TSHZ2: variants seen among roughly 807,000 people sequenced by gnomAD.
The protein encoded by TSHZ2 is teashirt zinc finger homeobox 2.
In TSHZ2, 21 loss-of-function variants were observed where a neutral mutation model predicts 74.4. The ratio of observed to expected loss-of-function variants is 0.28; its 90% CI spans 0.20 to 0.41. The LOEUF (loss-of-function observed/expected upper bound fraction) is 0.41. TSHZ2 is among the 10% of genes least tolerant of loss of function. The pLI is 1.00. For missense variants in TSHZ2, 1,244 were observed against 1,293.5 expected, an observed-to-expected ratio of 0.96 and a Z score of 0.59; for synonymous variants, 540 against 515.3, an observed-to-expected ratio of 1.05 and a Z score of -0.65.
At chr20:53,114,914 G>A (rs1312205427) in intron 1 of TSHZ2, among the ~76,000 whole-genome samples, 1 of 152,184 alleles carries the variant, frequency 6.6e-6, no homozygotes, top group Non-Finnish European at 1.5e-5. Flanking sequence ...CACCAATTCT[G>A]AGGGTGGACC....
intron 1 of TSHZ2, among the ~76,000 whole-genome samples, chr20:53,203,859 A>G (rs945316432): frequency 3.3e-5 from 5 of 151,922 alleles, no homozygotes; most frequent in African/African-American, 1.2e-4. Flanking sequence ...AGCTCTCTAG[A>G]CCTGCAATGT....
In TSHZ2 at chr20:53,038,966, G is replaced by A. The variant is rs375199977; in HGVS notation, c.40+65633G>A. On this transcript the variant is annotated intron_variant, in intron 1 of 2. Transcript: ENST00000371497. Reference sequence around the variant, plus strand: ...GGCTGGAGTGCAATGGTGCGATCTCGGCTCACAGCAACCTCTGCCTCCCGG... The same window carrying A: ...GGCTGGAGTGCAATGGTGCGATCTCAGCTCACAGCAACCTCTGCCTCCCGG... Among the ~76,000 whole-genome samples the A allele has an allele frequency of 2.0e-4, 31 of 151,382 alleles. No homozygotes were observed. In the East Asian group the frequency reaches 5.5e-3, roughly 27 times the overall value.
intron 2 of TSHZ2, among the ~76,000 whole-genome samples, chr20:53,397,021 C>T (rs901022729): frequency 4.6e-5 from 7 of 152,148 alleles, no homozygotes; most frequent in Non-Finnish European, 1.0e-4. Context: ...CCATAAAAAC[C>T]CTAGAAGAAA....
intron 1 of TSHZ2, among the ~76,000 whole-genome samples, chr20:52,981,650 A>G (rs1489948285): frequency 6.6e-6 from 1 of 152,228 alleles, no homozygotes; most frequent in Non-Finnish European, 1.5e-5. Flanking sequence ...TGGAAACACA[A>G]TGGCTAAGCA....
At chr20:53,394,927 T>G (rs1398997598) in intron 2 of TSHZ2, among the ~76,000 whole-genome samples, 1 of 150,346 alleles carries the variant, frequency 6.7e-6, no homozygotes, top group Non-Finnish European at 1.5e-5. Flanking sequence ...ACTGGCTCTG[T>G]TCCTCTTTGC....
At chr20:53,400,992 A>G (rs988031719) in intron 2 of TSHZ2, 5 of 152,250 alleles carry the variant, frequency 3.3e-5, no homozygotes, top group East Asian at 1.9e-4. Context: ...CATGCATTCA[A>G]TCATGTAGAA....
At chr20:53,300,848 T>C (rs2145480600) in intron 2 of TSHZ2, among the ~76,000 whole-genome samples, 1 of 152,366 alleles carries the variant, frequency 6.6e-6, no homozygotes, top group South Asian at 2.1e-4. Context: ...TGGCAATGTG[T>C]TTCCTTTTTG....
chr20:53,345,521 A>G (rs969592935), intron 2 of TSHZ2, among the ~76,000 whole-genome samples: 1 of 152,128 alleles, frequency 6.6e-6, no homozygotes, highest in Non-Finnish European at 1.5e-5. Context: ...TATCATAAGC[A>G]TCTAGCAAGC....
chr20:53,052,439 T>G (rs1402091435), intron 1 of TSHZ2, among the ~76,000 whole-genome samples: 2 of 152,172 alleles, frequency 1.3e-5, no homozygotes, highest in Admixed American at 1.3e-4. Context: ...TATGTGCTCC[T>G]TATGAGGATG....
chr20:53,370,512 G>A (rs530512562), intron 2 of TSHZ2, among the ~76,000 whole-genome samples: 5 of 152,350 alleles, frequency 3.3e-5, no homozygotes, highest in African/African-American at 1.2e-4. Flanking sequence ...TGTGATCCCA[G>A]CACTTTGGAA....
intron 1 of TSHZ2, among the ~76,000 whole-genome samples, chr20:53,029,427 G>A (rs966722343): frequency 1.3e-5 from 2 of 152,222 alleles, no homozygotes; most frequent in African/African-American, 4.8e-5. Context: ...TGTAATCCTA[G>A]CACTTTGGGA....
chr20:53,154,132 A>G (rs2123447367), intron 1 of TSHZ2, among the ~76,000 whole-genome samples: 1 of 152,348 alleles, frequency 6.6e-6, no homozygotes, highest in Admixed American at 6.5e-5. Flanking sequence ...ATGTGTGCAT[A>G]CAAACAAGGC....
intron 2 of TSHZ2, among the ~76,000 whole-genome samples, chr20:53,387,520 G>C (rs527283771): frequency 6.6e-6 from 1 of 152,294 alleles, no homozygotes; most frequent in East Asian, 1.9e-4. Flanking sequence ...TTGTTCTCTA[G>C]GCAAAGGCCA....
chr20:53,339,984 C>T (rs929486858), intron 2 of TSHZ2, among the ~76,000 whole-genome samples: 2 of 152,268 alleles, frequency 1.3e-5, no homozygotes, highest in African/African-American at 4.8e-5. Flanking sequence ...CTGTGCTTTA[C>T]TCATGCCTTT....
chr20:53,165,970 A>G (rs144570864), intron 1 of TSHZ2, among the ~76,000 whole-genome samples: 1 of 152,268 alleles, frequency 6.6e-6, no homozygotes, highest in East Asian at 1.9e-4. Flanking sequence ...AGTTCATCAC[A>G]AACTTTCTAG....
chr20:53,396,846 T>C (rs1201931613), intron 2 of TSHZ2, among the ~76,000 whole-genome samples: 1 of 89,492 alleles, frequency 1.1e-5, no homozygotes, highest in African/African-American at 7.4e-5. Flanking sequence ...AGCAATACCC[T>C]GAAAAAAAAA....
intron 2 of TSHZ2, among the ~76,000 whole-genome samples, chr20:53,477,794 T>C (rs1025049968): frequency 4.5e-5 from 6 of 134,372 alleles, no homozygotes; most frequent in Non-Finnish European, 7.9e-5. Context: ...GAATCTACAA[T>C]GAACTCAAAC....
At chr20:53,059,690 G>A (rs1984757299) in intron 1 of TSHZ2, among the ~76,000 whole-genome samples, 1 of 152,150 alleles carries the variant, frequency 6.6e-6, no homozygotes, top group African/African-American at 2.4e-5. Flanking sequence ...TTATTTTGAG[G>A]ACAATGAAGA....
At chr20:53,232,904 G>GA (rs200948409) in intron 1 of TSHZ2, among the ~76,000 whole-genome samples, 35 of 150,634 alleles carry the variant, frequency 2.3e-4, no homozygotes, top group Admixed American at 5.3e-4. Flanking sequence ...GCACCACTGA[G>GA]AAAAAAAAAT....
Sources: gnomAD v4.1 joint callset for allele counts (sites outside exome capture counted in the v4.1 genomes callset) on GRCh38, gnomAD v4.1.1 for gene constraint, MANE v1.5 for transcripts, NCBI Gene and HGNC (gene_info 2026-07-23, HGNC 2026-07-21) for gene names.